The following ANK3 variants were observed in gnomAD, a reference collection of about 807,000 sequenced individuals.
ANK3 encodes ankyrin 3, also known as ankyrin-3.
In ANK3, 57 loss-of-function variants were observed where a neutral mutation model predicts 370.9. The observed-to-expected ratio is 0.15, with a 90% CI of 0.12 to 0.19. The LOEUF is 0.19. Ranked by LOEUF, ANK3 falls within the 10% of genes least tolerant of loss-of-function variation. The probability of loss-of-function intolerance (pLI) is 1.00; values close to 1 mark genes in which losing one functional copy is unlikely to be tolerated. For missense variants in ANK3, 4,439 were observed against 5,302.1 expected (o/e 0.84, Z 5.06); for synonymous variants, 1,929 against 1,946.3 (o/e 0.99, Z 0.23).
At chr10:60,176,189 A>AC (rs1565477621) in intron 18 of ANK3, among the ~76,000 whole-genome samples, 56 of 119,922 alleles carry the variant, frequency 4.7e-4, no homozygotes, top group African/African-American at 1.8e-3. Context: ...CAAAAAAAAA[A>AC]AAAAAACAAA....
chr10:60,497,999 C>G (rs115509332), intron 2 of ANK3, among the ~76,000 whole-genome samples: 2,543 of 152,276 alleles, frequency 0.017, 83 homozygotes, highest in African/African-American at 0.058. Flanking sequence ...GTTGGAACAT[C>G]CATTATCACC....
At chr10:60,242,572 G>A (rs568850106) in intron 7 of ANK3, among the ~76,000 whole-genome samples, 7 of 152,096 alleles carry the variant, frequency 4.6e-5, no homozygotes, top group Non-Finnish European at 8.8e-5. Context: ...CATCAGGAAT[G>A]AGAAGACAAG....
At chr10:60,031,231 A>G (rs2073451583) in intron 43 of ANK3, among the ~76,000 whole-genome samples, 1 of 152,210 alleles carries the variant, frequency 6.6e-6, no homozygotes, top group African/African-American at 2.4e-5. Context: ...ACCACTGCAA[A>G]GAACTTTCGC....
chr10:60,132,237 G>A (rs1219997899), intron 25 of ANK3, among the ~76,000 whole-genome samples: 1 of 152,158 alleles, frequency 6.6e-6, no homozygotes, highest in African/African-American at 2.4e-5. Context: ...TAAAACCCAT[G>A]ACATGCTATT....
intron 38 of ANK3, among the ~76,000 whole-genome samples, chr10:60,066,492 C>T (rs1386143266): frequency 6.6e-6 from 1 of 151,980 alleles, no homozygotes; most frequent in Admixed American, 6.6e-5. Context: ...ATTCAGACCA[C>T]CTATCTATCT....
At chr10:60,155,917 C>G (rs1438934626) in intron 23 of ANK3, among the ~76,000 whole-genome samples, 3 of 152,242 alleles carry the variant, frequency 2.0e-5, no homozygotes, top group African/African-American at 7.2e-5. Flanking sequence ...GAAGGCTGCA[C>G]TATTGGTTTT....
chr10:60,053,807 G>C, intron 42 of ANK3: 2 of 1,140,256 alleles, frequency 1.8e-6, no homozygotes, highest in South Asian at 1.4e-5. Context: ...ATTATACTAT[G>C]GTATAGCCAC....
intron 7 of ANK3, among the ~76,000 whole-genome samples, chr10:60,252,167 C>A (rs1468520066): frequency 6.6e-6 from 1 of 152,222 alleles, no homozygotes. Context: ...GAACCCTAAC[C>A]TCTACACTCT....
intron 2 of ANK3, among the ~76,000 whole-genome samples, chr10:60,577,107 T>C (rs1200973395): frequency 1.3e-5 from 2 of 152,244 alleles, no homozygotes; most frequent in Non-Finnish European, 2.9e-5. Flanking sequence ...TACTTTGCAC[T>C]ACTTTGTGCA....
chr10:60,449,986 AAAG>A, intron 2 of ANK3, among the ~76,000 whole-genome samples: 1 of 68,382 alleles, frequency 1.5e-5, no homozygotes, highest in South Asian at 1.3e-3. Context: ...GAAAAGAGGA[AAAG>A]AGAAAAGAGA....
At chr10:60,335,103 G>A (rs374134298) in intron 1 of ANK3, among the ~76,000 whole-genome samples, 63 of 152,218 alleles carry the variant, frequency 4.1e-4, no homozygotes, top group African/African-American at 1.5e-3. Flanking sequence ...GTGCATGCGT[G>A]TGTATGTCTG....
intron 16 of ANK3, among the ~76,000 whole-genome samples, chr10:60,190,867 G>A (rs560509002): frequency 6.7e-4 from 102 of 152,192 alleles, no homozygotes; most frequent in Non-Finnish European, 1.1e-3. Context: ...AAACAGCATG[G>A]CACTGGTATA....
chr10:60,041,154 G>C (rs559672119), intron 43 of ANK3, among the ~76,000 whole-genome samples: 119 of 152,254 alleles, frequency 7.8e-4, no homozygotes, highest in Non-Finnish European at 1.4e-3. Flanking sequence ...CAGGTTTTCT[G>C]TTCATCCACC....
intron 23 of ANK3, among the ~76,000 whole-genome samples, chr10:60,163,414 C>T (rs895330046): frequency 7.2e-5 from 11 of 152,208 alleles, no homozygotes; most frequent in South Asian, 4.1e-4. Context: ...TTCTACGGCT[C>T]TGCTTTGCTG....
At chr10:60,223,150 C>T (rs2097089718) in intron 8 of ANK3, among the ~76,000 whole-genome samples, 1 of 152,202 alleles carries the variant, frequency 6.6e-6, no homozygotes, top group Non-Finnish European at 1.5e-5. Context: ...AATCCCAACC[C>T]TTTCTATTAG....
At chr10:60,597,232 T>C (rs947020453) in intron 2 of ANK3, among the ~76,000 whole-genome samples, 1 of 152,268 alleles carries the variant, frequency 6.6e-6, no homozygotes, top group East Asian at 1.9e-4. Context: ...TCCCTATGAA[T>C]TCTCCCTCCT....
intron 1 of ANK3, among the ~76,000 whole-genome samples, chr10:60,701,703 C>T (rs982559070): frequency 6.6e-6 from 1 of 152,186 alleles, no homozygotes; most frequent in Non-Finnish European, 1.5e-5. Flanking sequence ...CTCCGCTGTG[C>T]TGCCCATTGC....
intron 4 of ANK3, among the ~76,000 whole-genome samples, chr10:60,275,391 T>C (rs2098074052): frequency 6.6e-6 from 1 of 152,296 alleles, no homozygotes. Flanking sequence ...ATAATAAGTA[T>C]TCCTATGACT....
At chr10:60,550,579 T>C (rs554304695) in intron 2 of ANK3, among the ~76,000 whole-genome samples, 1 of 152,156 alleles carries the variant, frequency 6.6e-6, no homozygotes, top group African/African-American at 2.4e-5. Flanking sequence ...GTATATTTCT[T>C]GTATTCTTAA....
Sources: gnomAD v4.1 joint callset for allele counts (sites outside exome capture counted in the v4.1 genomes callset) on GRCh38, gnomAD v4.1.1 for gene constraint, MANE v1.5 for transcripts, NCBI Gene and HGNC (gene_info 2026-07-23, HGNC 2026-07-21) for gene names.